The following BTG4 variants were observed in gnomAD, a reference collection of about 807,000 sequenced individuals.
BTG4 encodes the protein BTG anti-proliferation factor 4.
A neutral mutation model predicts 19.3 loss-of-function variants in BTG4; 10 were observed. The ratio of observed to expected loss-of-function variants is 0.52; its 90% confidence interval spans 0.32 to 0.88. BTG4 has a LOEUF of 0.88. Ranked by LOEUF, BTG4 falls within the 40% of genes least tolerant of loss-of-function variation. The pLI is 0.04. For missense variants in BTG4, 238 were observed against 281.9 expected, an observed-to-expected ratio of 0.84 and a Z score of 1.11; for synonymous variants, 91 against 95.7, an observed-to-expected ratio of 0.95 and a Z score of 0.29.
chr11:111,454,831 TTGGGGGTTGGGGGGTGGGGTTC>T, the BTG4 span: 1 of 342,372 alleles, frequency 2.9e-6, no homozygotes, highest in Non-Finnish European at 5.8e-6. Context: ...GGGTTGGGGG[TTGGGGGTTGGGGGGTGGGGTTC>T]TGGAGTCTCT....
the BTG4 span, among the ~76,000 whole-genome samples, chr11:111,430,982 T>C: frequency 9.0e-4 from 137 of 152,370 alleles, 1 homozygote; most frequent in African/African-American, 3.2e-3. Context: ...TCACCACGTA[T>C]ACAAAAGCAG....
At chr11:111,442,644 A>C in the BTG4 span, among the ~76,000 whole-genome samples, 1 of 152,066 alleles carries the variant, frequency 6.6e-6, no homozygotes, top group Non-Finnish European at 1.5e-5. Flanking sequence ...AGGTATGTCC[A>C]AAGGACCCCG....
chr11:111,506,165 A>G (rs2135724574), intron 1 of BTG4, among the ~76,000 whole-genome samples: 1 of 152,316 alleles, frequency 6.6e-6, no homozygotes, highest in Middle Eastern at 3.4e-3. Context: ...TCAAAAAGAT[A>G]CTTGTACTTG....
the BTG4 span, among the ~76,000 whole-genome samples, chr11:111,442,723 C>T: frequency 6.6e-6 from 1 of 151,322 alleles, no homozygotes; most frequent in African/African-American, 2.4e-5. Context: ...AAAAAAAACT[C>T]TCTATCTAAA....
chr11:111,394,914 A>G, the BTG4 span, among the ~76,000 whole-genome samples: 1 of 152,234 alleles, frequency 6.6e-6, no homozygotes. Flanking sequence ...TTCCACATAT[A>G]TAGATGGAGA....
At chr11:111,445,532 G>A in the BTG4 span, among the ~76,000 whole-genome samples, 14 of 152,294 alleles carry the variant, frequency 9.2e-5, no homozygotes, top group Non-Finnish European at 1.3e-4. Context: ...ACAGGACTGA[G>A]CCTAGGAAAG....
At chr11:111,503,587 G>T (rs944715982) in intron 1 of BTG4, among the ~76,000 whole-genome samples, 1 of 152,134 alleles carries the variant, frequency 6.6e-6, no homozygotes, top group African/African-American at 2.4e-5. Flanking sequence ...TGTTCTGTTT[G>T]GGTGAGGGGA....
chr11:111,514,135 A>C (rs28371943), upstream of BTG4: 1 of 153,976 alleles, frequency 6.5e-6, no homozygotes, highest in African/African-American at 2.4e-5. Context: ...ACTCATTAAG[A>C]TGTATCCCTT....
the BTG4 span, among the ~76,000 whole-genome samples, chr11:111,400,760 C>T: frequency 6.6e-6 from 1 of 152,062 alleles, no homozygotes; most frequent in Non-Finnish European, 1.5e-5. Flanking sequence ...ACCAAGTGAC[C>T]AATGTTAATG....
chr11:111,434,221 T>TA, the BTG4 span, among the ~76,000 whole-genome samples: 4 of 152,034 alleles, frequency 2.6e-5, no homozygotes, highest in African/African-American at 9.7e-5. Context: ...TATGCAGCCA[T>TA]AAAAAAAGGA....
chr11:111,428,661 A>G, the BTG4 span, among the ~76,000 whole-genome samples: 1 of 152,176 alleles, frequency 6.6e-6, no homozygotes, highest in Non-Finnish European at 1.5e-5. Flanking sequence ...CCTATCTCTG[A>G]ACTTCTCTAC....
At chr11:111,417,783 C>G in the BTG4 span, 1 of 152,250 alleles carries the variant, frequency 6.6e-6, no homozygotes, top group East Asian at 1.9e-4. Context: ...TTCTCTCACT[C>G]ACGCTCTCCT....
chr11:111,465,137 G>A (rs1020799218), downstream of BTG4, among the ~76,000 whole-genome samples: 6 of 152,320 alleles, frequency 3.9e-5, no homozygotes, highest in Middle Eastern at 3.4e-3. Context: ...AAGAGAGCAC[G>A]TGGCTTTCCT....
chr11:111,465,525 A>G (rs1224559553), downstream of BTG4, among the ~76,000 whole-genome samples: 1 of 152,224 alleles, frequency 6.6e-6, no homozygotes, highest in Non-Finnish European at 1.5e-5. Context: ...ACTATTACTC[A>G]TCTTATAGAT....
At chr11:111,406,710 G>A in the BTG4 span, among the ~76,000 whole-genome samples, 2 of 152,150 alleles carry the variant, frequency 1.3e-5, no homozygotes, top group African/African-American at 4.8e-5. Context: ...TCCCTCCTGG[G>A]GCTATTAGCC....
the BTG4 span, among the ~76,000 whole-genome samples, chr11:111,396,430 C>T: frequency 2.0e-5 from 3 of 152,232 alleles, no homozygotes; most frequent in East Asian, 5.8e-4. Flanking sequence ...CCCCATTCTG[C>T]TGCAGTTCCA....
chr11:111,471,677 C>A (rs573215211), intron 5 of BTG4, among the ~76,000 whole-genome samples: 1 of 152,242 alleles, frequency 6.6e-6, no homozygotes, highest in South Asian at 2.1e-4. Context: ...AGTCTTCCAG[C>A]TTTAAATCTC....
At chr11:111,507,394 T>C (rs1240855669) in intron 1 of BTG4, among the ~76,000 whole-genome samples, 1 of 152,190 alleles carries the variant, frequency 6.6e-6, no homozygotes, top group Non-Finnish European at 1.5e-5. Flanking sequence ...TTATTGTTTT[T>C]CATTTTTTAT....
chr11:111,395,204 T>C, the BTG4 span, among the ~76,000 whole-genome samples: 1 of 152,260 alleles, frequency 6.6e-6, no homozygotes. Flanking sequence ...GGGGCTCTGC[T>C]GCAGGTGCGG....
Sources: gnomAD v4.1 joint callset for allele counts (sites outside exome capture counted in the v4.1 genomes callset) on GRCh38, gnomAD v4.1.1 for gene constraint, MANE v1.5 for transcripts, NCBI Gene and HGNC (gene_info 2026-07-23, HGNC 2026-07-21) for gene names.